COL23A1: variants seen among roughly 807,000 people sequenced by gnomAD.
COL23A1 encodes collagen type XXIII alpha 1 chain, also known as collagen alpha-1(XXIII) chain.
In COL23A1, 97 loss-of-function variants were observed where a neutral mutation model predicts 99.3. That is an observed-to-expected ratio of 0.98 (90% CI 0.83 to 1.16). The LOEUF (loss-of-function observed/expected upper bound fraction) is 1.16, where lower values mean the gene tolerates loss of function less well. Ranked by LOEUF, COL23A1 falls within the 50% of genes most tolerant of loss-of-function variation. The pLI is 0.00. For missense variants in COL23A1, 762 were observed against 757.4 expected (o/e 1.01, Z -0.07); for synonymous variants, 320 against 308.2 (o/e 1.04, Z -0.40).
chr5:178,406,430 T>C (rs1158006454), intron 2 of COL23A1, among the ~76,000 whole-genome samples: 1 of 124,414 alleles, frequency 8.0e-6, no homozygotes, highest in Non-Finnish European at 1.6e-5. Context: ...CCTACACTCT[T>C]TTTTTTTTTT....
At chr5:178,397,815 C>T (rs1764233108) in intron 2 of COL23A1, among the ~76,000 whole-genome samples, 1 of 152,046 alleles carries the variant, frequency 6.6e-6, no homozygotes, top group African/African-American at 2.4e-5. Flanking sequence ...GGTGAAACCC[C>T]GTCTCTACTA....
At chr5:178,270,289 T>A (rs759322506) in intron 6 of COL23A1, 48 bp downstream of exon 6, 111 of 1,611,928 alleles carry the variant, frequency 6.9e-5, no homozygotes, top group Non-Finnish European at 9.1e-5. Context: ...AGCCCCACGG[T>A]GGCAGCCCCA....
At chr5:178,381,180 C>T (rs1763362686) in intron 2 of COL23A1, among the ~76,000 whole-genome samples, 2 of 152,220 alleles carry the variant, frequency 1.3e-5, no homozygotes, top group African/African-American at 4.8e-5. Flanking sequence ...GGTGACGTTG[C>T]CTTCAACAAA....
chr5:178,585,615 TGGATGGCGCTGGGGTAACACTCC>T (rs1763929629), intron 1 of COL23A1, among the ~76,000 whole-genome samples: 3 of 152,140 alleles, frequency 2.0e-5, no homozygotes, highest in African/African-American at 7.2e-5. Flanking sequence ...TCCACAGCCC[TGGATGGCGCTGGGGTAACACTCC>T]ACAGCCCTGG....
At chr5:178,480,701 G>T (rs1456210487) in intron 2 of COL23A1, among the ~76,000 whole-genome samples, 1 of 152,144 alleles carries the variant, frequency 6.6e-6, no homozygotes, top group East Asian at 1.9e-4. Context: ...AATGAACAAG[G>T]TAAGTCAAAA....
At chr5:178,558,229 T>C (rs1390557549) in intron 2 of COL23A1, among the ~76,000 whole-genome samples, 1 of 151,962 alleles carries the variant, frequency 6.6e-6, no homozygotes, top group Non-Finnish European at 1.5e-5. Flanking sequence ...GGTCCATCTG[T>C]AGTCACTGGC....
chr5:178,343,254 C>T (rs145062472), intron 2 of COL23A1, among the ~76,000 whole-genome samples: 137 of 152,278 alleles, frequency 9.0e-4, no homozygotes, highest in African/African-American at 3.2e-3. Flanking sequence ...CCTCCACCCC[C>T]ATCAATTAGC....
At chr5:178,367,688 C>T (rs559401045) in intron 2 of COL23A1, among the ~76,000 whole-genome samples, 20 of 152,350 alleles carry the variant, frequency 1.3e-4, no homozygotes, top group Middle Eastern at 3.4e-3. Flanking sequence ...AGGCTGCCAT[C>T]GTACAATGTG....
chr5:178,247,631 T>A (rs1764775767), intron 21 of COL23A1, 79 bp from the exon 22 acceptor site: 1 of 1,586,700 alleles, frequency 6.3e-7, no homozygotes, highest in Non-Finnish European at 8.6e-7. Flanking sequence ...TGGGGCCCTG[T>A]CCTGGGCTCT....
At chr5:178,576,974 G>C (rs1763399879) in intron 1 of COL23A1, among the ~76,000 whole-genome samples, 1 of 151,862 alleles carries the variant, frequency 6.6e-6, no homozygotes. Flanking sequence ...CCCCAGCGCA[G>C]CGCCCGGGGA....
chr5:178,389,106 C>T (rs554681307), intron 2 of COL23A1, among the ~76,000 whole-genome samples: 11 of 152,034 alleles, frequency 7.2e-5, no homozygotes, highest in Non-Finnish European at 1.0e-4. Context: ...CTGGCTGTCA[C>T]GCTCCCGTTG....
At chr5:178,390,871 G>C (rs914727637) in intron 2 of COL23A1, among the ~76,000 whole-genome samples, 4 of 152,208 alleles carry the variant, frequency 2.6e-5, no homozygotes, top group African/African-American at 9.6e-5. Flanking sequence ...CTTGGTATTA[G>C]GCAGTAGTGT....
At chr5:178,585,465 T>G (rs867997517) in intron 1 of COL23A1, among the ~76,000 whole-genome samples, 3 of 87,596 alleles carry the variant, frequency 3.4e-5, no homozygotes, top group South Asian at 9.7e-4. Flanking sequence ...CCCTGGTTGA[T>G]GCTGGGGGTA....
intron 2 of COL23A1, among the ~76,000 whole-genome samples, chr5:178,349,085 C>T (rs1183000442): frequency 6.6e-6 from 1 of 152,112 alleles, no homozygotes; most frequent in Admixed American, 6.5e-5. Flanking sequence ...GTAGAGCCGA[C>T]GAGGGCTTAC....
chr5:178,508,515 A>C (rs1465703311), intron 2 of COL23A1, among the ~76,000 whole-genome samples: 1 of 152,224 alleles, frequency 6.6e-6, no homozygotes, highest in African/African-American at 2.4e-5. Context: ...CCACTCTGGC[A>C]GGAAAAGATG....
chr5:178,382,110 G>A (rs919526219), intron 2 of COL23A1, among the ~76,000 whole-genome samples: 24 of 151,994 alleles, frequency 1.6e-4, no homozygotes, highest in African/African-American at 5.6e-4. Context: ...GGGGGAATGG[G>A]TGGGGCATTC....
Position 178,270,325 on chromosome 5 carries a change from G to GTCA in COL23A1, c.468+9_468+11dup. The GTCA allele has an allele frequency of 6.2e-7, 1 of 1,613,844 alleles. No homozygotes were observed. Among genetic ancestry groups the GTCA allele is most frequent in the Non-Finnish European group, 8.5e-7 (1 of 1,179,974 alleles). ...GCCCAGGACCCCCTGGAATTGCCCT[G>GTCA]TCATCACTTACGGGCTTGCCATCCA... On this transcript the variant is annotated intron_variant, in intron 6 of 28. Coordinates refer to ENST00000390654, the MANE Select transcript of COL23A1 (RefSeq NM_173465.4).
At chr5:178,537,872 C>A (rs1581591702) in intron 2 of COL23A1, among the ~76,000 whole-genome samples, 1 of 152,336 alleles carries the variant, frequency 6.6e-6, no homozygotes, top group East Asian at 1.9e-4. Flanking sequence ...ACCATCACCA[C>A]GTCCGCCTCC....
At chr5:178,300,774 G>T (rs2127596648) in intron 3 of COL23A1, among the ~76,000 whole-genome samples, 2 of 152,076 alleles carry the variant, frequency 1.3e-5, no homozygotes, top group Middle Eastern at 6.8e-3. Flanking sequence ...ATGTTGGCCA[G>T]GCTGGTCTTG....
Sources: gnomAD v4.1 joint callset for allele counts (sites outside exome capture counted in the v4.1 genomes callset) on GRCh38, gnomAD v4.1.1 for gene constraint, MANE v1.5 for transcripts, NCBI Gene and HGNC (gene_info 2026-07-23, HGNC 2026-07-21) for gene names.